The following DCP1B variants were observed in gnomAD, a reference collection of about 807,000 sequenced individuals.
DCP1B encodes the protein decapping mRNA 1B.
Under a neutral mutation model 60.5 loss-of-function variants are expected in DCP1B, and 47 were observed. That is an observed-to-expected ratio of 0.78 (90% CI 0.61 to 0.99). The LOEUF (loss-of-function observed/expected upper bound fraction) is 0.99, where lower values mean the gene tolerates loss of function less well. DCP1B is among the 50% of genes least tolerant of loss of function. The probability of loss-of-function intolerance (pLI) is 0.00; values close to 1 mark genes in which losing one functional copy is unlikely to be tolerated. For missense variants in DCP1B, 725 were observed against 756.8 expected (o/e 0.96, Z 0.49); for synonymous variants, 267 against 280.3 (o/e 0.95, Z 0.47).
intron 3 of DCP1B, among the ~76,000 whole-genome samples, chr12:1,975,286 A>G (rs1445202129): frequency 6.6e-6 from 1 of 152,156 alleles, no homozygotes; most frequent in Non-Finnish European, 1.5e-5. Flanking sequence ...AGGTAATTCT[A>G]ATACAAGTTC....
chr12:1,965,511 T>G (rs1282742707), intron 5 of DCP1B, 47 bp downstream of exon 5: 1 of 1,545,756 alleles, frequency 6.5e-7, no homozygotes, highest in Non-Finnish European at 8.7e-7. Context: ...ATATTCCCAC[T>G]GCGGAACTGA....
At chr12:2,003,158 A>G (rs892618195) in intron 1 of DCP1B, among the ~76,000 whole-genome samples, 1 of 152,036 alleles carries the variant, frequency 6.6e-6, no homozygotes, top group Non-Finnish European at 1.5e-5. Context: ...TTGTCTTTTT[A>G]TTTTTATGTT....
chr12:1,996,950 T>C (rs2470397), intron 2 of DCP1B, among the ~76,000 whole-genome samples: 31,291 of 152,160 alleles, frequency 0.21, 3,468 homozygotes, highest in African/African-American at 0.25. Flanking sequence ...TTATATTAGG[T>C]CTTTTAATTT....
intron 2 of DCP1B, among the ~76,000 whole-genome samples, chr12:1,996,993 T>C (rs1257523027): frequency 6.6e-6 from 1 of 152,244 alleles, no homozygotes; most frequent in Non-Finnish European, 1.5e-5. Context: ...GTGATGACCT[T>C]TGGCTATGAC....
intron 5 of DCP1B, among the ~76,000 whole-genome samples, chr12:1,964,872 C>T (rs1327890622): frequency 6.6e-6 from 1 of 151,984 alleles, no homozygotes; most frequent in Non-Finnish European, 1.5e-5. Context: ...TCGCTCCATC[C>T]CCCCACTCAT....
chr12:1,999,847 TCAC>T (rs1225666535), intron 1 of DCP1B, among the ~76,000 whole-genome samples: 2 of 152,242 alleles, frequency 1.3e-5, no homozygotes, highest in African/African-American at 2.4e-5. Context: ...TTTGTATAAA[TCAC>T]CACAACATAC....
chr12:1,949,899 G>C (rs906770742), intron 7 of DCP1B: 10 of 183,506 alleles, frequency 5.4e-5, no homozygotes, highest in Admixed American at 5.4e-4. Flanking sequence ...TTCCGCAGCT[G>C]ATGTGTTTGG....
chr12:1,990,041 A>G (rs1199934858), intron 3 of DCP1B, among the ~76,000 whole-genome samples: 1 of 152,222 alleles, frequency 6.6e-6, no homozygotes, highest in African/African-American at 2.4e-5. Context: ...GCTCAAATGC[A>G]TTATTTACTG....
intron 6 of DCP1B, among the ~76,000 whole-genome samples, chr12:1,955,174 ACATTATCTTTTAAGGAGTTCAAGTTCAC>A (rs1213949664): frequency 6.6e-6 from 1 of 152,206 alleles, no homozygotes; most frequent in African/African-American, 2.4e-5. Context: ...TTTAAAAAAT[ACATTATCTTTTAAGGAGTTCAAGTTCAC>A]AAGAGATTAG....
In DCP1B at chr12:1,971,334, C is replaced by T. The variant is rs2032150036; in HGVS notation, c.320-3424G>A. 2.3e-6 allele frequency: 1 copy of T among 441,058 alleles called. No individual in the cohort carries two copies. Among genetic ancestry groups the T allele is most frequent in the Non-Finnish European group, 3.7e-6 (1 of 269,558 alleles). 27.3% of individuals were successfully genotyped at this position (441,058 alleles called of 1,614,324 possible). On this transcript the variant is annotated intron_variant, in intron 3 of 8. Coordinates refer to ENST00000280665, the MANE Select transcript of DCP1B (RefSeq NM_152640.5). This position sits in a 1 kb window ranked among gnomAD's most constrained non-coding sequence, Gnocchi z 4.2. ...CTCCATATTTAATCAGGATTTACCA[C>T]ACACCGTTGTAAAATTTTGCCTGTA...
chr12:1,961,245 T>C (rs1203717028), intron 5 of DCP1B: 4 of 152,116 alleles, frequency 2.6e-5, no homozygotes, highest in Non-Finnish European at 5.9e-5. Flanking sequence ...TAGAGGGTAG[T>C]AGGGTTAGAA....
At chr12:2,000,569 C>A (rs1593404232) in intron 1 of DCP1B, among the ~76,000 whole-genome samples, 1 of 151,776 alleles carries the variant, frequency 6.6e-6, no homozygotes, top group African/African-American at 2.4e-5. Context: ...TAACTTATAA[C>A]AAGTAATTCT....
chr12:1,953,409 GA>G (rs1489263382), intron 6 of DCP1B, 121 bp from the exon 7 acceptor site: 2 of 1,159,182 alleles, frequency 1.7e-6, no homozygotes, highest in African/African-American at 3.1e-5. Flanking sequence ...TAGAGAGAAT[GA>G]AAAATAATAA....
chr12:1,984,729 C>T (rs1202490044), intron 3 of DCP1B, among the ~76,000 whole-genome samples: 1 of 147,188 alleles, frequency 6.8e-6, no homozygotes, highest in African/African-American at 2.5e-5. Flanking sequence ...ATTATTCCTT[C>T]CAGCCTGAAG....
At chr12:2,003,560 C>T (rs1435358262) in intron 1 of DCP1B, among the ~76,000 whole-genome samples, 1 of 152,168 alleles carries the variant, frequency 6.6e-6, no homozygotes, top group Non-Finnish European at 1.5e-5. Context: ...GCTTCTACCC[C>T]ATTCTAACTA....
chr12:1,997,343 A>G (rs1376082180), intron 2 of DCP1B, among the ~76,000 whole-genome samples: 2 of 152,200 alleles, frequency 1.3e-5, no homozygotes, highest in Non-Finnish European at 2.9e-5. Context: ...CCTGACCAAC[A>G]TGGTGAAACC....
intron 5 of DCP1B, among the ~76,000 whole-genome samples, chr12:1,963,194 C>CAGG (rs1294429483): frequency 6.6e-6 from 1 of 152,176 alleles, no homozygotes; most frequent in Admixed American, 6.5e-5. Flanking sequence ...CAGCGGGGTT[C>CAGG]AGGAGGAGGC....
At chr12:1,992,935 TG>T in intron 3 of DCP1B, 1 of 583,290 alleles carries the variant, frequency 1.7e-6, no homozygotes, top group Non-Finnish European at 3.0e-6. Flanking sequence ...CCTATGTGTG[TG>T]TCTCTGCAGT....
rs568542936 is a variant in DCP1B, at chr12:1,955,991, CA to C, written c.523-432del. 1.8e-3 allele frequency among the ~76,000 whole-genome samples: 275 copies of C among 152,284 alleles called. 1 individual carries two copies. Among genetic ancestry groups the C allele is most frequent in the Middle Eastern group, 6.8e-3 (2 of 294 alleles). Reference sequence around the variant, plus strand: ...TGGAGAGTAGTTGAGTACATTTCATCAAAGTAACTAAATCTTTTTTGGTCTA... The same window carrying C: ...TGGAGAGTAGTTGAGTACATTTCATCAAGTAACTAAATCTTTTTTGGTCTA... On this transcript the variant is annotated intron_variant, in intron 5 of 8. Transcript: ENST00000280665.
Sources: gnomAD v4.1 joint callset for allele counts (sites outside exome capture counted in the v4.1 genomes callset) on GRCh38, gnomAD v4.1.1 for gene constraint, Gnocchi (gnomAD v3.1) non-coding constraint, MANE v1.5 for transcripts, NCBI Gene and HGNC (gene_info 2026-07-23, HGNC 2026-07-21) for gene names.